DIAPH3: variants seen among roughly 807,000 people sequenced by gnomAD.
The protein encoded by DIAPH3 is protein diaphanous homolog 3.
DIAPH3 carries 117 observed loss-of-function variants against 144.3 expected under a neutral mutation model. That is an observed-to-expected ratio of 0.81 (90% CI 0.70 to 0.95). The LOEUF is 0.95. Ranked by LOEUF, DIAPH3 falls within the 40% of genes least tolerant of loss-of-function variation. The pLI, the probability that DIAPH3 is intolerant of heterozygous loss-of-function variation, is 0.00. For missense variants in DIAPH3, 1,421 were observed against 1,412.7 expected (o/e 1.01, Z -0.09); for synonymous variants, 519 against 488.9 (o/e 1.06, Z -0.81).
chr13:60,002,972 G>A (rs550515532), intron 9 of DIAPH3, among the ~76,000 whole-genome samples: 30 of 152,198 alleles, frequency 2.0e-4, no homozygotes, highest in African/African-American at 6.5e-4. Context: ...ATTAAAGGAC[G>A]GCAGAAACTA....
At chr13:60,149,805 C>A (rs942426214) in intron 1 of DIAPH3, among the ~76,000 whole-genome samples, 1 of 151,518 alleles carries the variant, frequency 6.6e-6, no homozygotes, top group African/African-American at 2.4e-5. Context: ...AACCAGCAGC[C>A]CTTGGGGCTG....
intron 17 of DIAPH3, among the ~76,000 whole-genome samples, chr13:59,926,800 G>A (rs1054230271): frequency 3.9e-5 from 6 of 152,260 alleles, no homozygotes; most frequent in East Asian, 1.9e-4. Flanking sequence ...GATGTGTGTT[G>A]TGCACCTACT....
intron 24 of DIAPH3, among the ~76,000 whole-genome samples, chr13:59,827,059 G>T (rs2041476282): frequency 6.6e-6 from 1 of 152,228 alleles, no homozygotes; most frequent in East Asian, 1.9e-4. Flanking sequence ...TTAAACGTTA[G>T]ACCTAAAACC....
intron 12 of DIAPH3, among the ~76,000 whole-genome samples, chr13:59,985,771 G>A (rs1594230100): frequency 2.0e-5 from 2 of 98,008 alleles, no homozygotes; most frequent in South Asian, 4.0e-4. Context: ...TACAAGGGAT[G>A]TGAAGGACCT....
At chr13:59,898,887 G>A (rs1952515781) in intron 20 of DIAPH3, among the ~76,000 whole-genome samples, 1 of 152,152 alleles carries the variant, frequency 6.6e-6, no homozygotes, top group Non-Finnish European at 1.5e-5. Context: ...ATTTGAGTAG[G>A]TGGACTAGGA....
chr13:60,079,962 C>G (rs904439175), intron 4 of DIAPH3, among the ~76,000 whole-genome samples: 2 of 151,826 alleles, frequency 1.3e-5, no homozygotes, highest in African/African-American at 4.8e-5. Context: ...TCCAAACTTT[C>G]CCACACAAAA....
chr13:59,941,427 G>A (rs936951032), intron 17 of DIAPH3, among the ~76,000 whole-genome samples: 1 of 152,130 alleles, frequency 6.6e-6, no homozygotes, highest in African/African-American at 2.4e-5. Flanking sequence ...AAGGCTGAAG[G>A]AGAGCCACCT....
chr13:59,924,826 T>C lies in DIAPH3; in HGVS notation c.2119A>G (p.Lys707Glu), dbSNP rs759223973. The change falls in exon 18 of 28, where the codon AAA becomes GAA. Residue 707 changes from lysine (K) to glutamate (E), a missense_variant. Transcript: ENST00000400324. ...AAAAACTTAAGTTCTTTAATTTTTT[T>C]CTTAATCGATTTCTTCTCTTCAATA... ...EDIEEKKSIK[K>E]KIKELKFLDS... The C allele has an allele frequency of 6.9e-6, 11 of 1,601,904 alleles. No individual in the cohort carries two copies. Among genetic ancestry groups the C allele is most frequent in the Non-Finnish European group, 9.4e-6 (11 of 1,171,660 alleles).
chr13:59,988,737 C>A (rs2051601125), intron 12 of DIAPH3, among the ~76,000 whole-genome samples: 1 of 151,838 alleles, frequency 6.6e-6, no homozygotes, highest in African/African-American at 2.4e-5. Context: ...GAAATCTTCA[C>A]TTTTCTCTGT....
At chr13:59,713,772 A>T (rs1021770442) in intron 27 of DIAPH3, among the ~76,000 whole-genome samples, 4 of 152,224 alleles carry the variant, frequency 2.6e-5, no homozygotes, top group African/African-American at 7.2e-5. Context: ...CCTTCATAAA[A>T]ACAGGCACTG....
chr13:60,059,644 C>T (rs186620540), intron 4 of DIAPH3, among the ~76,000 whole-genome samples: 2 of 151,582 alleles, frequency 1.3e-5, no homozygotes, highest in Admixed American at 1.3e-4. Context: ...TTTACTCTCA[C>T]CTAAAAAACA....
intron 27 of DIAPH3, among the ~76,000 whole-genome samples, chr13:59,707,521 T>C (rs914799705): frequency 3.9e-5 from 6 of 152,174 alleles, no homozygotes; most frequent in Admixed American, 6.5e-5. Flanking sequence ...ATCAAAGGGA[T>C]TGAAGTAGAA....
chr13:60,006,247 T>C (rs2052867184), intron 9 of DIAPH3, among the ~76,000 whole-genome samples: 2 of 152,180 alleles, frequency 1.3e-5, no homozygotes, highest in Non-Finnish European at 2.9e-5. Flanking sequence ...AGTCGAAACT[T>C]TCCAATAAAT....
At chr13:59,930,923 C>G (rs892687193) in intron 17 of DIAPH3, among the ~76,000 whole-genome samples, 1 of 152,056 alleles carries the variant, frequency 6.6e-6, no homozygotes, top group Non-Finnish European at 1.5e-5. Flanking sequence ...GGGAAATAGA[C>G]TAATTATTGA....
intron 22 of DIAPH3, among the ~76,000 whole-genome samples, chr13:59,841,811 T>G (rs1030187259): frequency 2.0e-5 from 3 of 152,126 alleles, no homozygotes; most frequent in African/African-American, 7.2e-5. Flanking sequence ...TGTTTTCTAT[T>G]AATTAACTCA....
chr13:59,749,519 C>CAAAAA (rs60918644), intron 27 of DIAPH3, among the ~76,000 whole-genome samples: 3 of 51,222 alleles, frequency 5.9e-5, no homozygotes, highest in Non-Finnish European at 7.6e-5. Context: ...GACTCCATCT[C>CAAAAA]AAAAAAAAAA....
chr13:59,759,626 T>C (rs1468389227), intron 27 of DIAPH3, among the ~76,000 whole-genome samples: 1 of 152,116 alleles, frequency 6.6e-6, no homozygotes, highest in African/African-American at 2.4e-5. Context: ...TAGGCGGTGT[T>C]CAGCTTCCAG....
At chr13:59,956,293 A>G (rs749758980) in intron 17 of DIAPH3, among the ~76,000 whole-genome samples, 27 of 152,318 alleles carry the variant, frequency 1.8e-4, no homozygotes, top group South Asian at 2.1e-4. Flanking sequence ...GAGACCTAGA[A>G]GGGAAAAATG....
chr13:59,902,369 T>C (rs2046485005), intron 20 of DIAPH3, among the ~76,000 whole-genome samples: 1 of 152,118 alleles, frequency 6.6e-6, no homozygotes, highest in African/African-American at 2.4e-5. Flanking sequence ...AAGACGTGCC[T>C]GTTTCCCCTA....
Sources: allele counts gnomAD v4.1 joint callset (sites outside exome capture counted in the v4.1 genomes callset), GRCh38; gene constraint gnomAD v4.1.1; transcripts MANE v1.5; gene names NCBI Gene and HGNC (gene_info 2026-07-23, HGNC 2026-07-21).